RGMA: variants seen among roughly 807,000 people sequenced by gnomAD.
The protein encoded by RGMA is repulsive guidance molecule BMP co-receptor a.
Under a neutral mutation model 23.2 loss-of-function variants are expected in RGMA, and 10 were observed. That is an observed-to-expected ratio of 0.43 (90% CI 0.27 to 0.73). RGMA has a LOEUF of 0.73. Among genes scored for constraint, RGMA ranks in the 30% least tolerant of loss-of-function variants. The probability of loss-of-function intolerance (pLI) is 0.20; values close to 1 mark genes in which losing one functional copy is unlikely to be tolerated. For synonymous variants in RGMA, 308 were observed against 279.3 expected (o/e 1.10, Z -1.03); for missense variants, 547 against 630.5 (o/e 0.87, Z 1.42).
chr15:93,057,532 T>G (rs1272270108), intron 2 of RGMA, among the ~76,000 whole-genome samples: 1 of 152,136 alleles, frequency 6.6e-6, no homozygotes, highest in Non-Finnish European at 1.5e-5. Context: ...GATCTAGGAC[T>G]TCCCACCTCC....
Position 93,045,631 on chromosome 15 carries a change from C to G in RGMA, c.720G>C (p.Pro240=), listed in dbSNP as rs766596924. Residue 240 remains proline (P), a synonymous_variant, in exon 4 of 4, where the codon CCG becomes CCC. Coordinates refer to ENST00000329082, the MANE Select transcript of RGMA (RefSeq NM_020211.3). This position sits in a 1 kb window ranked among gnomAD's most constrained non-coding sequence, Gnocchi z 6.9. ...TCTTAGAGCCATCCACGAAGGCGGC[C>G]GGGAGCTCGTCCATCTCAGCCTGGT... The part of the protein sequence containing the change: ...KVYQAEMDEL[P]AAFVDGSKNG... The G allele has an allele frequency of 6.2e-7, 1 of 1,612,136 alleles. No homozygotes were observed. Among genetic ancestry groups the G allele is most frequent in the African/African-American group, 1.3e-5 (1 of 74,914 alleles).
intron 2 of RGMA, chr15:93,063,070 ATT>A (rs1895022225): frequency 6.6e-6 from 1 of 152,190 alleles, no homozygotes; most frequent in Non-Finnish European, 1.5e-5. Flanking sequence ...TCAGAACACT[ATT>A]TTAGGAAGCA....
intron 2 of RGMA, among the ~76,000 whole-genome samples, chr15:93,063,542 T>C (rs1895040608): frequency 6.6e-6 from 1 of 152,252 alleles, no homozygotes; most frequent in African/African-American, 2.4e-5. Flanking sequence ...TCTGTCATCC[T>C]GGTGTAAACA....
rs1456583266 is a variant in RGMA, at chr15:93,045,887, C to G, written c.646-182G>C. 2.0e-5 allele frequency among the ~76,000 whole-genome samples: 3 copies of G among 152,164 alleles called. No individual in the cohort carries two copies. Among genetic ancestry groups the G allele is most frequent in the Admixed American group, 2.0e-4 (3 of 15,270 alleles). ...CGCAGCTGTGCACTTCACATTCTTTCAATGAAAACAACTTGCCCTTTTTAC... is the reference window on the plus strand; with the variant it reads ...CGCAGCTGTGCACTTCACATTCTTTGAATGAAAACAACTTGCCCTTTTTAC... On this transcript the variant is annotated intron_variant, in intron 3 of 3. Coordinates refer to ENST00000329082, the MANE Select transcript of RGMA (RefSeq NM_020211.3). The surrounding 1 kb of genome is among the most constrained non-coding windows in gnomAD (Gnocchi z 6.9).
intron 1 of RGMA, chr15:93,073,729 C>G: frequency 6.5e-7 from 1 of 1,537,192 alleles, no homozygotes; most frequent in Non-Finnish European, 8.7e-7. Flanking sequence ...CTCGAGGTTC[C>G]CGCCCGTCGT....
At chr15:93,074,325 G>A (rs1196958071) in intron 1 of RGMA, among the ~76,000 whole-genome samples, 1 of 152,200 alleles carries the variant, frequency 6.6e-6, no homozygotes, top group Non-Finnish European at 1.5e-5. Flanking sequence ...AGGCTGCAGG[G>A]CTGCAGCTGC....
At chr15:93,077,092 G>T (rs867299565) in intron 1 of RGMA, among the ~76,000 whole-genome samples, 2 of 152,206 alleles carry the variant, frequency 1.3e-5, no homozygotes, top group African/African-American at 2.4e-5. Context: ...CACCCAGCAC[G>T]CCAGGAACAA....
In RGMA at chr15:93,064,521, T is replaced by TG. The variant is rs914154874; in HGVS notation, c.130+8394dup. ...GCCTTCCTCCTTCACCTTCTGCGTG[T>TG]GGGGGAAGAACAAATGCAAGCCAGC... On this transcript the variant is annotated intron_variant, in intron 2 of 3. Transcript: ENST00000329082. 2.0e-5 allele frequency among the ~76,000 whole-genome samples: 3 copies of TG among 152,218 alleles called. No individual in the cohort carries two copies. In the South Asian group the frequency reaches 6.2e-4, roughly 32 times the overall value.
In RGMA at chr15:93,045,139, G is replaced by C; in HGVS notation, c.1212C>G (p.Leu404=). 6.2e-7 allele frequency: 1 copy of C among 1,600,514 alleles called. No individual in the cohort carries two copies. Residue 404 remains leucine, a synonymous_variant, in exon 4 of 4, where the codon CTC becomes CTG. Coordinates refer to ENST00000329082, the MANE Select transcript of RGMA (RefSeq NM_020211.3). The surrounding 1 kb of genome is among the most constrained non-coding windows in gnomAD (Gnocchi z 6.9). ...AYYALEDVKM[L]HSNKDKLHLY... ...GGTGCAGTTTGTCTTTGTTGGAGTG[G>C]AGCATCTTGACATCCTCCAACGCGT...
At chr15:93,056,346 C>T (rs2055013907) in intron 2 of RGMA, among the ~76,000 whole-genome samples, 1 of 152,166 alleles carries the variant, frequency 6.6e-6, no homozygotes, top group East Asian at 1.9e-4. Flanking sequence ...CCCCCAGGAG[C>T]AAACAGCAGG....
intron 2 of RGMA, chr15:93,066,464 G>A (rs913190267): frequency 3.0e-5 from 17 of 569,222 alleles, no homozygotes; most frequent in Non-Finnish European, 4.3e-5. Flanking sequence ...CCACGGGTGC[G>A]GGGGCCAGGC....
intron 1 of RGMA, among the ~76,000 whole-genome samples, chr15:93,075,985 C>G (rs1438050338): frequency 6.6e-6 from 1 of 152,194 alleles, no homozygotes; most frequent in Non-Finnish European, 1.5e-5. Context: ...ACTGGCTAAA[C>G]CAACCAACTT....
At chr15:93,050,060 C>T (rs1219183226) in intron 3 of RGMA, among the ~76,000 whole-genome samples, 1 of 152,210 alleles carries the variant, frequency 6.6e-6, no homozygotes, top group Non-Finnish European at 1.5e-5. Context: ...GCTTCAGGGG[C>T]GAGCTTGGTG....
At chr15:93,049,430 T>C (rs1567180315) in intron 3 of RGMA, among the ~76,000 whole-genome samples, 1 of 152,180 alleles carries the variant, frequency 6.6e-6, no homozygotes, top group Non-Finnish European at 1.5e-5. Flanking sequence ...GAGTCTCAGT[T>C]TCTTTGTCTG....
intron 1 of RGMA, among the ~76,000 whole-genome samples, chr15:93,075,830 C>T (rs1028706480): frequency 6.6e-6 from 1 of 152,118 alleles, no homozygotes; most frequent in Non-Finnish European, 1.5e-5. Flanking sequence ...TTTTTTCCCC[C>T]CCTTTCTTGA....
At chr15:93,067,832 T>C (rs1400183739) in intron 2 of RGMA, among the ~76,000 whole-genome samples, 1 of 152,100 alleles carries the variant, frequency 6.6e-6, no homozygotes, top group African/African-American at 2.4e-5. Flanking sequence ...GGCAGGAGTT[T>C]CAGAGTGATT....
chr15:93,070,189 G>A (rs899941166), intron 2 of RGMA, among the ~76,000 whole-genome samples: 3 of 152,210 alleles, frequency 2.0e-5, no homozygotes, highest in African/African-American at 7.2e-5. Context: ...CCATCCACAT[G>A]GAGTAAGTAA....
At chr15:93,073,289 C>T (rs536649944) in intron 1 of RGMA, 6 of 795,364 alleles carry the variant, frequency 7.5e-6, no homozygotes, top group South Asian at 5.9e-5. Context: ...TCAGCGAGGC[C>T]GGCGAGGTAG....
chr15:93,066,330 CA>C, intron 2 of RGMA: 1 of 809,938 alleles, frequency 1.2e-6, no homozygotes, highest in Non-Finnish European at 2.2e-6. Flanking sequence ...GACGTTGAAC[CA>C]TTTGACAGTG....
Sources: gnomAD v4.1 joint callset for allele counts (sites outside exome capture counted in the v4.1 genomes callset) on GRCh38, gnomAD v4.1.1 for gene constraint, Gnocchi (gnomAD v3.1) non-coding constraint, MANE v1.5 for transcripts, NCBI Gene and HGNC (gene_info 2026-07-23, HGNC 2026-07-21) for gene names.